Variants in ST3GAL1 observed in about 807,000 individuals in gnomAD.
ST3GAL1 encodes the protein CMP-N-acetylneuraminate-beta-galactosamide-alpha-2,3-sialyltransferase 1.
Under a neutral mutation model 34.1 loss-of-function variants are expected in ST3GAL1, and 16 were observed. That is an observed-to-expected ratio of 0.47 (90% CI 0.32 to 0.71). The LOEUF is 0.71. ST3GAL1 is among the 30% of genes least tolerant of loss of function. The pLI, the probability that ST3GAL1 is intolerant of heterozygous loss-of-function variation, is 0.04. For missense variants in ST3GAL1, 353 were observed against 447.4 expected, an observed-to-expected ratio of 0.79 and a Z score of 1.90; for synonymous variants, 191 against 184.7, an observed-to-expected ratio of 1.03 and a Z score of -0.28.
intron 5 of ST3GAL1, among the ~76,000 whole-genome samples, chr8:133,474,147 G>A (rs1301294534): frequency 6.6e-6 from 1 of 152,120 alleles, no homozygotes; most frequent in Non-Finnish European, 1.5e-5. Flanking sequence ...GAATCTACCT[G>A]GATAACCTCT....
intron 2 of ST3GAL1, among the ~76,000 whole-genome samples, chr8:133,524,538 T>C (rs995075150): frequency 4.6e-5 from 7 of 152,212 alleles, no homozygotes; most frequent in Non-Finnish European, 1.0e-4. Flanking sequence ...GCCCAACAGG[T>C]TGTGCTCAGC....
intron 2 of ST3GAL1, among the ~76,000 whole-genome samples, chr8:133,524,029 A>G (rs1032838517): frequency 6.6e-6 from 1 of 152,174 alleles, no homozygotes; most frequent in East Asian, 1.9e-4. Context: ...ACCACATGTG[A>G]CCCACAGACC....
At chr8:133,557,051 C>T (rs370620872) in intron 1 of ST3GAL1, among the ~76,000 whole-genome samples, 4 of 152,154 alleles carry the variant, frequency 2.6e-5, no homozygotes, top group South Asian at 2.1e-4. Context: ...CAGGCAATGG[C>T]CAACCTCAGC....
intron 5 of ST3GAL1, among the ~76,000 whole-genome samples, chr8:133,472,725 G>C (rs1816015990): frequency 6.6e-6 from 1 of 152,060 alleles, no homozygotes; most frequent in Non-Finnish European, 1.5e-5. Flanking sequence ...CCTTCCAAGT[G>C]GCTGCCCTGG....
chr8:133,476,127 A>C, intron 4 of ST3GAL1, 53 bp from the exon 5 acceptor site: 1 of 1,312,472 alleles, frequency 7.6e-7, no homozygotes, highest in Non-Finnish European at 1.0e-6. Context: ...GCTCAATCAA[A>C]AGGGATGGCA....
At position 133,510,059 on chromosome 8, in the gene ST3GAL1, C is replaced by CAA. The variant is rs61402942; in HGVS notation, c.-428-10872_-428-10871dup. Among the ~76,000 whole-genome samples the CAA allele has an allele frequency of 0.017, 2,024 of 120,178 alleles. 84 individuals carry two copies. The East Asian group carries it at 0.18, about 11-fold the overall frequency. The allele number at this position is 120,178 out of a possible 152,430, so 78.8% of individuals were successfully genotyped here. A position where few individuals can be genotyped will look rare whatever the true frequency, so the allele number is the denominator to read the frequency against. On this transcript the variant is annotated intron_variant, in intron 2 of 9. Coordinates refer to ENST00000522652, the MANE Select transcript of ST3GAL1 (RefSeq NM_173344.3). ...GGGCAACAAGAGTGAAACTCTGTCT[C>CAA]AAAAAAAAAAAAAAAAAAAATAGCA...
At chr8:133,555,523 C>T (rs1228271468) in intron 1 of ST3GAL1, among the ~76,000 whole-genome samples, 2 of 152,160 alleles carry the variant, frequency 1.3e-5, no homozygotes, top group Non-Finnish European at 2.9e-5. Context: ...GCCCTCCCAT[C>T]CACTGTGAAC....
intron 1 of ST3GAL1, among the ~76,000 whole-genome samples, chr8:133,549,272 C>A (rs28648522): frequency 0.034 from 5,171 of 152,086 alleles, 146 homozygotes; most frequent in South Asian, 0.1. Flanking sequence ...CGTGGTGGCA[C>A]ACGCCTGTAA....
At chr8:133,468,729 A>G (rs948353758) in intron 5 of ST3GAL1, among the ~76,000 whole-genome samples, 1 of 152,214 alleles carries the variant, frequency 6.6e-6, no homozygotes, top group South Asian at 2.1e-4. Flanking sequence ...GAATGTGCGG[A>G]AAACCCCCTG....
At chr8:133,495,836 G>C (rs1816930381) in intron 3 of ST3GAL1, among the ~76,000 whole-genome samples, 1 of 152,228 alleles carries the variant, frequency 6.6e-6, no homozygotes, top group Non-Finnish European at 1.5e-5. Flanking sequence ...AGCTCATGCT[G>C]CTTTTGAACT....
At chr8:133,516,764 T>G (rs183029681) in intron 2 of ST3GAL1, among the ~76,000 whole-genome samples, 1 of 152,136 alleles carries the variant, frequency 6.6e-6, no homozygotes, top group Non-Finnish European at 1.5e-5. Context: ...CCCTCATAAC[T>G]CTAAGCCCAG....
chr8:133,533,748 A>G (rs562592674), intron 2 of ST3GAL1, among the ~76,000 whole-genome samples: 1 of 152,234 alleles, frequency 6.6e-6, no homozygotes, highest in East Asian at 1.9e-4. Context: ...CAAAGTCACA[A>G]TGGGTAACAG....
At chr8:133,533,040 C>T (rs2131048547) in intron 2 of ST3GAL1, among the ~76,000 whole-genome samples, 1 of 152,298 alleles carries the variant, frequency 6.6e-6, no homozygotes, top group East Asian at 1.9e-4. Flanking sequence ...ACTACGTTTC[C>T]TTCAGAGGAA....
At chr8:133,519,337 G>C (rs1336289673) in intron 2 of ST3GAL1, among the ~76,000 whole-genome samples, 1 of 152,256 alleles carries the variant, frequency 6.6e-6, no homozygotes, top group Middle Eastern at 3.4e-3. Context: ...AGCTAATGGA[G>C]GTACAGGTGC....
At chr8:133,470,605 C>T (rs1367773309) in intron 5 of ST3GAL1, among the ~76,000 whole-genome samples, 2 of 152,168 alleles carry the variant, frequency 1.3e-5, no homozygotes, top group East Asian at 1.9e-4. Context: ...TTGGGAAGCA[C>T]GGGGCCTCGG....
At position 133,476,029 on chromosome 8, in the gene ST3GAL1, G is replaced by A. The variant is rs369561958; in HGVS notation, c.-5C>T. ...CCTCTTCCGCAGGGTCACCATCTTC[G>A]CAGTCCTGATGGTGGCCTCCCACGA... On this transcript the variant is annotated 5_prime_UTR_variant, in exon 5 of 10. Transcript: ENST00000522652. 13 of 1,570,666 alleles carry A rather than the reference G, an allele frequency of 8.3e-6. No individual in the cohort carries two copies. Among genetic ancestry groups the A allele is most frequent in the East Asian group, 2.3e-5 (1 of 44,378 alleles).
At chr8:133,501,893 A>C (rs1429121992) in intron 2 of ST3GAL1, among the ~76,000 whole-genome samples, 4 of 152,178 alleles carry the variant, frequency 2.6e-5, no homozygotes, top group African/African-American at 9.7e-5. Context: ...GCCTTGTCTT[A>C]ATGAGGTGCA....
chr8:133,492,951 C>T lies in ST3GAL1; in HGVS notation c.-374+6184G>A, dbSNP rs557198467. Among the ~76,000 whole-genome samples, 8 of 152,316 alleles carry T rather than the reference C, an allele frequency of 5.3e-5. No homozygotes were observed. The South Asian group carries it at 1.0e-3, about 20-fold the overall frequency. On this transcript the variant is annotated intron_variant, in intron 3 of 9. Coordinates refer to ENST00000522652, the MANE Select transcript of ST3GAL1 (RefSeq NM_173344.3). ...CACCCTCCGTCCAATAAGGAGGCGA[C>T]TCTGGCAGGAGAGATAAACTGAGCT...
At chr8:133,540,826 C>CAT (rs1321510913) in intron 2 of ST3GAL1, among the ~76,000 whole-genome samples, 14 of 82,082 alleles carry the variant, frequency 1.7e-4, no homozygotes, top group East Asian at 2.5e-4. Context: ...TATATATAGA[C>CAT]ATATATATAG....
Sources: allele counts gnomAD v4.1 joint callset (sites outside exome capture counted in the v4.1 genomes callset), GRCh38; gene constraint gnomAD v4.1.1; transcripts MANE v1.5; gene names NCBI Gene and HGNC (gene_info 2026-07-23, HGNC 2026-07-21).